RGL1: variants seen among roughly 807,000 people sequenced by gnomAD.
The protein encoded by RGL1 is ral guanine nucleotide dissociation stimulator-like 1.
RGL1 carries 24 observed loss-of-function variants against 95.2 expected under a neutral mutation model. The ratio of observed to expected loss-of-function variants is 0.25; its 90% confidence interval spans 0.18 to 0.35. RGL1 has a LOEUF of 0.35. RGL1 is among the 10% of genes least tolerant of loss of function. RGL1 has a pLI of 1.00. For missense variants in RGL1, 715 were observed against 936.3 expected, an observed-to-expected ratio of 0.76 and a Z score of 3.08; for synonymous variants, 329 against 344.9, an observed-to-expected ratio of 0.95 and a Z score of 0.51.
chr1:183,701,498 T>A (rs1654595688), intron 1 of RGL1, among the ~76,000 whole-genome samples: 1 of 152,166 alleles, frequency 6.6e-6, no homozygotes, highest in Non-Finnish European at 1.5e-5. Context: ...AAGTCCTCTC[T>A]CAATCTTTTG....
At chr1:183,679,251 A>C (rs1273215781) in intron 1 of RGL1, among the ~76,000 whole-genome samples, 1 of 152,052 alleles carries the variant, frequency 6.6e-6, no homozygotes, top group Non-Finnish European at 1.5e-5. Context: ...ATTTATTTTT[A>C]TTATACTTTA....
At position 183,904,902 on chromosome 1, in the gene RGL1, A is replaced by G. The variant is rs568331291; in HGVS notation, c.1403A>G (p.Tyr468Cys). 6.2e-7 allele frequency: 1 copy of G among 1,613,848 alleles called. No individual in the cohort carries two copies. Among genetic ancestry groups the G allele is most frequent in the South Asian group, 1.1e-5 (1 of 91,062 alleles). ...CTCTTACAGTCTGCCTGCAACAGCTATTGCATGACCCCAGACCAAAAGTTC... is the reference window on the plus strand; with the variant it reads ...CTCTTACAGTCTGCCTGCAACAGCTGTTGCATGACCCCAGACCAAAAGTTC... ...IKLLQSACNS[Y>C]CMTPDQKFIQ... Residue 468 changes from tyrosine to cysteine, a missense_variant, in exon 13 of 18, where the codon TAT becomes TGT. Around this residue, in one of 3 missense-constraint regions of RGL1, gnomAD observed 330 missense variants for 429.6 expected, o/e 0.77. Coordinates refer to ENST00000360851, the MANE Select transcript of RGL1 (RefSeq NM_001297671.3).
chr1:183,646,496 T>C (rs922544504), intron 1 of RGL1: 15 of 152,312 alleles, frequency 9.8e-5, no homozygotes, highest in Non-Finnish European at 2.9e-5. Flanking sequence ...TATCTTTACA[T>C]ATTTCAAAGA....
chr1:183,727,203 A>G (rs1309613565), intron 1 of RGL1, among the ~76,000 whole-genome samples: 1 of 152,222 alleles, frequency 6.6e-6, no homozygotes, highest in African/African-American at 2.4e-5. Flanking sequence ...GTTGCTTAAC[A>G]TTACAAAATT....
At chr1:183,804,198 AT>A (rs10637613), upstream of RGL1, among the ~76,000 whole-genome samples, 2 of 150,030 alleles carry the variant, frequency 1.3e-5, no homozygotes, top group Admixed American at 6.6e-5. Context: ...TGGGAGACCT[AT>A]TTTTTTTTTT....
chr1:183,689,981 G>C (rs138134515), intron 1 of RGL1, among the ~76,000 whole-genome samples: 1 of 152,326 alleles, frequency 6.6e-6, no homozygotes, highest in Non-Finnish European at 1.5e-5. Context: ...TGAAGGCTAA[G>C]TTGTAAGACT....
intron 2 of RGL1, among the ~76,000 whole-genome samples, chr1:183,779,707 C>G (rs1323941995): frequency 1.3e-5 from 2 of 151,936 alleles, no homozygotes; most frequent in African/African-American, 4.8e-5. Context: ...AAAGTTTGCT[C>G]TAGGTCTGGG....
intron 5 of RGL1, among the ~76,000 whole-genome samples, chr1:183,881,716 A>C (rs1482569396): frequency 6.6e-6 from 1 of 152,238 alleles, no homozygotes; most frequent in African/African-American, 2.4e-5. Flanking sequence ...AATTCCAAAC[A>C]ATACCTGCTG....
chr1:183,734,461 G>A (rs1489377258), intron 1 of RGL1, among the ~76,000 whole-genome samples: 1 of 152,190 alleles, frequency 6.6e-6, no homozygotes, highest in Non-Finnish European at 1.5e-5. Context: ...ATCTGGTGTA[G>A]TAAATATTGA....
intron 11 of RGL1, among the ~76,000 whole-genome samples, 183 bp from the exon 12 acceptor site, chr1:183,902,385 A>C (rs537946606): frequency 2.6e-5 from 4 of 152,292 alleles, no homozygotes; most frequent in African/African-American, 9.6e-5. Context: ...ATCCTGCCTT[A>C]TAATAATACT....
chr1:183,798,657 G>T (rs1660818659), intron 2 of RGL1, among the ~76,000 whole-genome samples: 2 of 151,934 alleles, frequency 1.3e-5, no homozygotes, highest in African/African-American at 4.8e-5. Context: ...TCCCTAGAAG[G>T]TATTCATCTT....
Position 183,853,656 on chromosome 1 carries a change from A to G in RGL1, c.347+5882A>G, listed in dbSNP as rs12097175. ...CTTGCCATGTGTTTTCACAGGCTTC[A>G]TCTCATTTAGTTCACTTATTTTTAC... On this transcript the variant is annotated intron_variant, in intron 3 of 17. Coordinates refer to ENST00000360851, the MANE Select transcript of RGL1 (RefSeq NM_001297671.3). Among the ~76,000 whole-genome samples the G allele has an allele frequency of 1.4e-3, 208 of 152,250 alleles. 1 individual carries two copies. Among genetic ancestry groups the G allele is most frequent in the African/African-American group, 4.7e-3 (196 of 41,554 alleles).
At chr1:183,760,768 A>T (rs1658622850) in intron 2 of RGL1, among the ~76,000 whole-genome samples, 1 of 152,048 alleles carries the variant, frequency 6.6e-6, no homozygotes, top group Non-Finnish European at 1.5e-5. Flanking sequence ...AACAAACAAA[A>T]AATGAAGTCA....
chr1:183,650,744 A>T (rs1229592697), intron 1 of RGL1, among the ~76,000 whole-genome samples: 1 of 149,558 alleles, frequency 6.7e-6, no homozygotes, highest in Non-Finnish European at 1.5e-5. Context: ...ACTAGAAATC[A>T]TAGTATTAGG....
At chr1:183,880,873 C>T (rs1438157707) in intron 5 of RGL1, 73 bp downstream of exon 5, 1 of 1,423,086 alleles carries the variant, frequency 7.0e-7, no homozygotes, top group Non-Finnish European at 9.6e-7. Flanking sequence ...GAAAGGTTCT[C>T]CCTGTGCTGG....
chr1:183,906,548 C>G (rs890372159), intron 13 of RGL1, among the ~76,000 whole-genome samples: 15 of 151,956 alleles, frequency 9.9e-5, no homozygotes, highest in Non-Finnish European at 2.2e-4. Flanking sequence ...AGATAGATTA[C>G]AAAAGTCTCT....
At chr1:183,767,642 G>A (rs909101368) in intron 2 of RGL1, among the ~76,000 whole-genome samples, 7 of 152,088 alleles carry the variant, frequency 4.6e-5, no homozygotes, top group Non-Finnish European at 7.4e-5. Flanking sequence ...ATCTGGCTTC[G>A]TGCTCAACAA....
intron 2 of RGL1, among the ~76,000 whole-genome samples, chr1:183,807,642 G>T (rs1661433350): frequency 6.6e-6 from 1 of 152,184 alleles, no homozygotes; most frequent in Non-Finnish European, 1.5e-5. Context: ...GGCATTCATT[G>T]CTTTGGGCTT....
intron 2 of RGL1, among the ~76,000 whole-genome samples, chr1:183,778,258 G>A (rs1048279262): frequency 1.3e-5 from 2 of 152,206 alleles, no homozygotes; most frequent in African/African-American, 4.8e-5. Context: ...ATGCAGCATA[G>A]CTTAGGGTTA....
Sources: gnomAD v4.1 joint callset for allele counts (sites outside exome capture counted in the v4.1 genomes callset) on GRCh38, gnomAD v4.1.1 for gene constraint, gnomAD v4.1.1 regional missense constraint, MANE v1.5 for transcripts, NCBI Gene and HGNC (gene_info 2026-07-23, HGNC 2026-07-21) for gene names.